Variants in SLC8A1 observed in about 807,000 individuals in gnomAD.
SLC8A1 encodes sodium/calcium exchanger 1.
SLC8A1 carries 18 observed loss-of-function variants against 68.3 expected under a neutral mutation model. The observed-to-expected ratio is 0.26, with a 90% CI of 0.18 to 0.39. The LOEUF (loss-of-function observed/expected upper bound fraction) is 0.39, where lower values mean the gene tolerates loss of function less well. SLC8A1 is among the 10% of genes least tolerant of loss of function. The probability of loss-of-function intolerance (pLI) is 1.00; values close to 1 mark genes in which losing one functional copy is unlikely to be tolerated. For missense variants in SLC8A1, 985 were observed against 1,156.7 expected (o/e 0.85, Z 2.15); for synonymous variants, 475 against 415.5 (o/e 1.14, Z -1.74).
At chr2:40,391,954 A>G (rs1040164359) in intron 2 of SLC8A1, among the ~76,000 whole-genome samples, 7 of 152,196 alleles carry the variant, frequency 4.6e-5, no homozygotes, top group Non-Finnish European at 8.8e-5. Context: ...AATACAAAGT[A>G]TCGATGATCA....
chr2:40,501,432 C>T (rs544691746), intron 1 of SLC8A1, among the ~76,000 whole-genome samples: 11 of 152,212 alleles, frequency 7.2e-5, no homozygotes, highest in African/African-American at 2.4e-4. Context: ...AAAAGACTGA[C>T]ATTTTAAATA....
chr2:40,272,299 C>T (rs2066141535), intron 2 of SLC8A1, among the ~76,000 whole-genome samples: 1 of 152,176 alleles, frequency 6.6e-6, no homozygotes, highest in Non-Finnish European at 1.5e-5. Flanking sequence ...GTCCCTAAAA[C>T]AAGAACATGA....
intron 2 of SLC8A1, among the ~76,000 whole-genome samples, chr2:40,312,858 G>GT (rs925787805): frequency 4.6e-5 from 7 of 152,102 alleles, no homozygotes; most frequent in Non-Finnish European, 1.0e-4. Context: ...GATTGTTCCA[G>GT]TTTTTTAACA....
intron 2 of SLC8A1, among the ~76,000 whole-genome samples, chr2:40,313,954 G>A (rs965410716): frequency 1.3e-5 from 2 of 151,922 alleles, no homozygotes; most frequent in African/African-American, 2.4e-5. Flanking sequence ...CTATTTGCCA[G>A]TATTTTCTTT....
chr2:40,311,833 A>G (rs1248537640), intron 2 of SLC8A1, among the ~76,000 whole-genome samples: 1 of 152,164 alleles, frequency 6.6e-6, no homozygotes, highest in Non-Finnish European at 1.5e-5. Flanking sequence ...TCTACAACAA[A>G]TATCATTTTA....
chr2:40,426,157 A>G (rs1696800768), intron 2 of SLC8A1, among the ~76,000 whole-genome samples: 1 of 152,018 alleles, frequency 6.6e-6, no homozygotes, highest in African/African-American at 2.4e-5. Context: ...AATCTAGAAA[A>G]AAGAAAAATG....
At chr2:40,430,171 G>A (rs1300165896) in exon 2 of SLC8A1, 2 of 1,613,610 alleles carry the variant, frequency 1.2e-6, no homozygotes, top group Admixed American at 1.7e-5. Flanking sequence ...TTCCATTTCT[G>A]TCTCAGCAAT....
At chr2:40,112,928 T>G (rs1307576909) in exon 8 of SLC8A1, 4 of 152,350 alleles carry the variant, frequency 2.6e-5, no homozygotes, top group African/African-American at 9.6e-5. Flanking sequence ...ATAAATACAA[T>G]TTGGACAATT....
rs1558721140 is a variant in SLC8A1 at position 40,200,195 on chromosome 2, T to TATAA, written c.1809-22341_1809-22340insTTAT. Among the ~76,000 whole-genome samples, 56 of 8,848 alleles carry TATAA rather than the reference T, an allele frequency of 6.3e-3. 3 individuals are homozygous for TATAA. Among genetic ancestry groups the TATAA allele is most frequent in the Non-Finnish European group, 0.013 (39 of 3,006 alleles). The allele number at this position is 8,848 out of a possible 152,430, so 5.8% of individuals were successfully genotyped here. A position where few individuals can be genotyped will look rare whatever the true frequency, so the allele number is the denominator to read the frequency against. Reference sequence around the variant, plus strand: ...ATTGATATATATATATATATATTTATATATATATATAAATATATATATATT... The same window carrying TATAA: ...ATTGATATATATATATATATATTTATATAAATATATATATAAATATATATATATT... On this transcript the variant is annotated intron_variant, in intron 2 of 7. Transcript: ENST00000406785.
chr2:40,194,750 T>C (rs1287405152), intron 2 of SLC8A1, among the ~76,000 whole-genome samples: 1 of 144,710 alleles, frequency 6.9e-6, no homozygotes, highest in Non-Finnish European at 1.5e-5. Context: ...GCAGCAATTA[T>C]GTCATATCCT....
At chr2:40,261,297 C>T (rs1574870696) in intron 2 of SLC8A1, among the ~76,000 whole-genome samples, 1 of 152,220 alleles carries the variant, frequency 6.6e-6, no homozygotes, top group African/African-American at 2.4e-5. Context: ...ACAGCTTGTG[C>T]TTGCAGAGGC....
chr2:40,359,024 A>G (rs1673676580), intron 2 of SLC8A1, among the ~76,000 whole-genome samples: 1 of 152,118 alleles, frequency 6.6e-6, no homozygotes, highest in Non-Finnish European at 1.5e-5. Context: ...TCAGAACAGG[A>G]GACAACACGG....
At chr2:40,450,860 T>TA (rs1239734058) in intron 1 of SLC8A1, among the ~76,000 whole-genome samples, 2 of 152,150 alleles carry the variant, frequency 1.3e-5, no homozygotes, top group African/African-American at 2.4e-5. Context: ...AAATGCTTTG[T>TA]TAAATTTCAT....
At chr2:40,238,182 T>C (rs993693908) in intron 2 of SLC8A1, among the ~76,000 whole-genome samples, 6 of 152,044 alleles carry the variant, frequency 3.9e-5, no homozygotes, top group African/African-American at 1.2e-4. Flanking sequence ...GCCTGGGCAA[T>C]GGCGGGCGCC....
intron 2 of SLC8A1, among the ~76,000 whole-genome samples, chr2:40,367,763 C>G (rs191762573): frequency 6.6e-6 from 1 of 151,990 alleles, no homozygotes; most frequent in Admixed American, 6.6e-5. Flanking sequence ...ATCTCAGGAT[C>G]TGAATACACC....
intron 2 of SLC8A1, among the ~76,000 whole-genome samples, chr2:40,217,550 C>G (rs2057686698): frequency 6.6e-6 from 1 of 152,118 alleles, no homozygotes. Flanking sequence ...GTTGTGTAGG[C>G]AACACAATAG....
At chr2:40,348,115 G>A (rs1382177091) in intron 2 of SLC8A1, among the ~76,000 whole-genome samples, 7 of 152,150 alleles carry the variant, frequency 4.6e-5, no homozygotes, top group Non-Finnish European at 1.0e-4. Context: ...GGGCTGAAAT[G>A]TTTTCAAGGG....
chr2:40,307,516 T>C (rs1023670695), intron 2 of SLC8A1, among the ~76,000 whole-genome samples: 1 of 152,178 alleles, frequency 6.6e-6, no homozygotes, highest in Non-Finnish European at 1.5e-5. Context: ...ATGGTCAGGA[T>C]AGTAAATTTT....
intron 1 of SLC8A1, among the ~76,000 whole-genome samples, chr2:40,469,360 C>T (rs757046046): frequency 4.6e-5 from 7 of 152,082 alleles, no homozygotes; most frequent in Non-Finnish European, 1.0e-4. Context: ...CACTTCCCTC[C>T]TCACTTTCTC....
Sources: gnomAD v4.1 joint callset for allele counts (sites outside exome capture counted in the v4.1 genomes callset) on GRCh38, gnomAD v4.1.1 for gene constraint, MANE v1.5 for transcripts, NCBI Gene and HGNC (gene_info 2026-07-23, HGNC 2026-07-21) for gene names.